IQGAP2: variants seen among roughly 807,000 people sequenced by gnomAD.
IQGAP2 encodes ras GTPase-activating-like protein IQGAP2.
In IQGAP2, 173 loss-of-function variants were observed where a neutral mutation model predicts 201.3. The ratio of observed to expected loss-of-function variants is 0.86; its 90% CI spans 0.76 to 0.98. IQGAP2 has a LOEUF of 0.98. IQGAP2 is among the 50% of genes least tolerant of loss of function. IQGAP2 has a pLI of 0.00. For synonymous variants in IQGAP2, 675 were observed against 673.9 expected, an observed-to-expected ratio of 1.00 and a Z score of -0.03; for missense variants, 1,687 against 1,864.8, an observed-to-expected ratio of 0.90 and a Z score of 1.76.
At position 76,613,046 on chromosome 5, in the gene IQGAP2, A is replaced by G. The variant is rs138889186; in HGVS notation, c.1521+1863A>G. Among the ~76,000 whole-genome samples the G allele has an allele frequency of 4.0e-3, 616 of 152,322 alleles. 3 individuals are homozygous for G. The highest frequency in any genetic ancestry group is 0.013 in the African/African-American group (552 of 41,572). On this transcript the variant is annotated intron_variant, in intron 13 of 35. Coordinates refer to ENST00000274364, the MANE Select transcript of IQGAP2 (RefSeq NM_006633.5). Reference sequence around the variant, plus strand: ...CTGCCAGCCTTCCAACAGGAACGGCAGTGGCATTGCCTGACCCTCCTCACT... The same window carrying G: ...CTGCCAGCCTTCCAACAGGAACGGCGGTGGCATTGCCTGACCCTCCTCACT...
chr5:76,597,354 C>A (rs1747104871), intron 9 of IQGAP2, 85 bp from the exon 10 acceptor site: 3 of 1,415,102 alleles, frequency 2.1e-6, no homozygotes, highest in South Asian at 2.4e-5. Flanking sequence ...TGCTTAGGTT[C>A]AAATCCTTGG....
intron 5 of IQGAP2, among the ~76,000 whole-genome samples, chr5:76,584,131 C>T (rs1296335349): frequency 6.6e-6 from 1 of 152,084 alleles, no homozygotes; most frequent in East Asian, 1.9e-4. Flanking sequence ...CTTGGCCTCC[C>T]AAAGTGCTGG....
intron 20 of IQGAP2, among the ~76,000 whole-genome samples, chr5:76,655,748 G>A (rs975824487): frequency 2.0e-5 from 3 of 152,100 alleles, no homozygotes; most frequent in African/African-American, 7.2e-5. Context: ...ATAAAAATTT[G>A]TAGAAAGTTT....
chr5:76,600,961 A>C lies in IQGAP2; in HGVS notation c.1221A>C (p.Ala407=). ...TAGGCTTAAACAATCTGGACAAGGCATATGTGGAACGGTAAGGAACATTTT... is the reference window on the plus strand; with the variant it reads ...TAGGCTTAAACAATCTGGACAAGGCCTATGTGGAACGGTAAGGAACATTTT... ...PAIGLNNLDK[A]YVERYANTLL... is the part of the protein sequence containing the mutation. The change falls in exon 11 of 36, where the codon GCA becomes GCC. Residue 407 remains alanine (A), a synonymous_variant. Coordinates refer to ENST00000274364, the MANE Select transcript of IQGAP2 (RefSeq NM_006633.5). The C allele has an allele frequency of 1.9e-6, 3 of 1,613,634 alleles. No homozygotes were observed. Among genetic ancestry groups the C allele is most frequent in the Non-Finnish European group, 2.5e-6 (3 of 1,179,586 alleles).
rs149611195 is a variant in IQGAP2, at chr5:76,484,706, A to G, written c.146+23037A>G. The stretch of plus-strand genomic sequence containing the variant: ...TGCTCTGTCACCAAGGCTGGAGTGC[A>G]GTGGCTCAATCATTAATCACTGCAG... On this transcript the variant is annotated intron_variant, in intron 2 of 35. Transcript: ENST00000274364. Among the ~76,000 whole-genome samples, 890 of 152,328 alleles carry G rather than the reference A, an allele frequency of 5.8e-3. 9 individuals carry two copies. Among genetic ancestry groups the G allele is most frequent in the African/African-American group, 0.02 (847 of 41,566 alleles).
At chr5:76,579,066 A>G (rs1314540504) in intron 5 of IQGAP2, among the ~76,000 whole-genome samples, 2 of 152,160 alleles carry the variant, frequency 1.3e-5, no homozygotes, top group Admixed American at 1.3e-4. Context: ...AAGAGTTGGA[A>G]TAATTTAGTA....
At chr5:76,560,561 C>T (rs1744294818) in intron 2 of IQGAP2, among the ~76,000 whole-genome samples, 1 of 152,210 alleles carries the variant, frequency 6.6e-6, no homozygotes, top group Non-Finnish European at 1.5e-5. Flanking sequence ...GTACTCCATT[C>T]TTCAAGGCCA....
intron 2 of IQGAP2, among the ~76,000 whole-genome samples, chr5:76,533,078 T>C (rs1403679483): frequency 6.6e-6 from 1 of 152,122 alleles, no homozygotes; most frequent in Non-Finnish European, 1.5e-5. Flanking sequence ...TCCAAAGAAA[T>C]CCTCCCTCAC....
chr5:76,585,738 T>A (rs1436962593), intron 5 of IQGAP2, among the ~76,000 whole-genome samples: 1 of 152,118 alleles, frequency 6.6e-6, no homozygotes, highest in African/African-American at 2.4e-5. Context: ...GGTCTTGAGC[T>A]CTCAACCTCA....
intron 4 of IQGAP2, 60 bp downstream of exon 4, chr5:76,570,717 T>G: frequency 9.2e-7 from 1 of 1,091,740 alleles, no homozygotes; most frequent in South Asian, 1.3e-5. Context: ...CACAAACATC[T>G]CTTTATGAGC....
chr5:76,579,279 C>T (rs1193962217), intron 5 of IQGAP2, among the ~76,000 whole-genome samples: 2 of 152,036 alleles, frequency 1.3e-5, no homozygotes, highest in South Asian at 2.1e-4. Flanking sequence ...ACATAATCTT[C>T]GTGGCACCAG....
At chr5:76,464,065 C>T (rs1191433974) in intron 2 of IQGAP2, among the ~76,000 whole-genome samples, 1 of 152,114 alleles carries the variant, frequency 6.6e-6, no homozygotes, top group Admixed American at 6.5e-5. Context: ...CCAGGCTGGT[C>T]TCGAACTCCT....
chr5:76,677,486 A>T, intron 28 of IQGAP2, 136 bp downstream of exon 28: 1 of 682,112 alleles, frequency 1.5e-6, no homozygotes, highest in Non-Finnish European at 2.2e-6. Context: ...AAATCTCGCA[A>T]TTATTTATTC....
At chr5:76,473,989 A>G (rs1262164280) in intron 2 of IQGAP2, among the ~76,000 whole-genome samples, 2 of 152,208 alleles carry the variant, frequency 1.3e-5, no homozygotes, top group Admixed American at 1.3e-4. Flanking sequence ...CATTTGTACA[A>G]GGTTGTCACA....
chr5:76,597,646 T>C (rs374981139), intron 10 of IQGAP2, 44 bp downstream of exon 10: 2 of 1,601,252 alleles, frequency 1.2e-6, no homozygotes, highest in African/African-American at 2.7e-5. Context: ...TAACCCTGCG[T>C]GCCATGGCGC....
Position 76,532,737 on chromosome 5 carries a change from G to A in IQGAP2, c.147-29659G>A, listed in dbSNP as rs138776278. On this transcript the variant is annotated intron_variant, in intron 2 of 35. Coordinates refer to ENST00000274364, the MANE Select transcript of IQGAP2 (RefSeq NM_006633.5). ...CCTGAAACAAGCCCTGGACTGGCTC[G>A]TTCTTGTCGGAGGACCACTCCGTGC... 4.7e-3 allele frequency among the ~76,000 whole-genome samples: 722 copies of A among 152,234 alleles called. 16 individuals are homozygous for A. Among genetic ancestry groups the A allele is most frequent in the Non-Finnish European group, 3.2e-3 (216 of 68,006 alleles).
intron 17 of IQGAP2, among the ~76,000 whole-genome samples, chr5:76,644,305 T>TTTTTTTTTTTTTTTTTTTTTTTC (rs1751850392): frequency 9.6e-6 from 1 of 103,906 alleles, no homozygotes; most frequent in Non-Finnish European, 2.1e-5. Context: ...CTTTTTTTTT[T>TTTTTTTTTTTTTTTTTTTTTTTC]TTTTTTTTTT....
intron 13 of IQGAP2, chr5:76,618,435 G>T (rs1477936093): frequency 6.2e-7 from 1 of 1,614,110 alleles, no homozygotes; most frequent in South Asian, 1.1e-5. Context: ...AGTACTTAAG[G>T]AGCTGGTCAG....
intron 1 of IQGAP2, among the ~76,000 whole-genome samples, chr5:76,457,428 C>T (rs982872458): frequency 2.0e-5 from 3 of 152,114 alleles, no homozygotes; most frequent in Admixed American, 6.5e-5. Flanking sequence ...CTAAGCATTT[C>T]GTAATTATGC....
Sources: gnomAD v4.1 joint callset for allele counts (sites outside exome capture counted in the v4.1 genomes callset) on GRCh38, gnomAD v4.1.1 for gene constraint, MANE v1.5 for transcripts, NCBI Gene and HGNC (gene_info 2026-07-23, HGNC 2026-07-21) for gene names.